PLEKHA7: variants seen among roughly 807,000 people sequenced by gnomAD.
The protein encoded by PLEKHA7 is pleckstrin homology domain-containing family A member 7.
A neutral mutation model predicts 170.0 loss-of-function variants in PLEKHA7; 104 were observed. The ratio of observed to expected loss-of-function variants is 0.61; its 90% CI spans 0.52 to 0.72. The LOEUF (loss-of-function observed/expected upper bound fraction) is 0.72. PLEKHA7 is among the 30% of genes least tolerant of loss of function. The probability of loss-of-function intolerance (pLI) is 0.00; values close to 1 mark genes in which losing one functional copy is unlikely to be tolerated. For synonymous variants in PLEKHA7, 648 were observed against 660.8 expected (o/e 0.98, Z 0.30); for missense variants, 1,615 against 1,671.7 (o/e 0.97, Z 0.59).
At chr11:16,917,749 G>T (rs1430687622) in intron 3 of PLEKHA7, among the ~76,000 whole-genome samples, 1 of 152,180 alleles carries the variant, frequency 6.6e-6, no homozygotes, top group Non-Finnish European at 1.5e-5. Flanking sequence ...CTGGGTATTA[G>T]CACATGGACA....
chr11:16,797,586 T>C (rs1192331790), intron 17 of PLEKHA7, among the ~76,000 whole-genome samples: 1 of 152,268 alleles, frequency 6.6e-6, no homozygotes, highest in Middle Eastern at 3.4e-3. Context: ...TCTCACTCTC[T>C]CTCTCAACCC....
At chr11:16,961,622 G>GT (rs1862065472) in intron 3 of PLEKHA7, among the ~76,000 whole-genome samples, 1 of 152,206 alleles carries the variant, frequency 6.6e-6, no homozygotes, top group Non-Finnish European at 1.5e-5. Flanking sequence ...GGACAGAGTT[G>GT]TTTCAACCTT....
At chr11:16,937,225 C>T (rs903273130) in intron 3 of PLEKHA7, among the ~76,000 whole-genome samples, 1 of 152,192 alleles carries the variant, frequency 6.6e-6, no homozygotes, top group African/African-American at 2.4e-5. Context: ...GAATCAGTCA[C>T]ATAAAATCCC....
intron 3 of PLEKHA7, among the ~76,000 whole-genome samples, chr11:16,925,432 GAC>G (rs764169489): frequency 9.2e-5 from 14 of 152,106 alleles, no homozygotes; most frequent in Non-Finnish European, 1.9e-4. Flanking sequence ...CCCGCGCCCA[GAC>G]ACAAAGCACC....
intron 10 of PLEKHA7, among the ~76,000 whole-genome samples, chr11:16,820,234 C>T (rs1850099324): frequency 6.6e-6 from 1 of 152,120 alleles, no homozygotes; most frequent in South Asian, 2.1e-4. Flanking sequence ...TTTTAAAACT[C>T]AACTCATTTA....
chr11:16,952,060 G>T (rs1053200657), intron 3 of PLEKHA7, among the ~76,000 whole-genome samples: 3 of 152,158 alleles, frequency 2.0e-5, no homozygotes, highest in African/African-American at 4.8e-5. Context: ...GGCCCAGCCT[G>T]ACCCAAAATG....
At chr11:16,787,060 G>A (rs1044932242) in intron 23 of PLEKHA7, 4 of 985,396 alleles carry the variant, frequency 4.1e-6, no homozygotes, top group Non-Finnish European at 4.8e-6. Context: ...TTCTAAGGCT[G>A]TTTCACAGTA....
intron 4 of PLEKHA7, among the ~76,000 whole-genome samples, chr11:16,863,188 C>A (rs1468957948): frequency 1.3e-5 from 2 of 152,150 alleles, no homozygotes; most frequent in African/African-American, 4.8e-5. Context: ...ACCCTGCAAC[C>A]TGCAAAATGA....
intron 4 of PLEKHA7, among the ~76,000 whole-genome samples, chr11:16,858,138 G>C (rs376307624): frequency 6.6e-6 from 1 of 152,174 alleles, no homozygotes; most frequent in Non-Finnish European, 1.5e-5. Flanking sequence ...TCCAGCTACT[G>C]AAAGGAAAAC....
At chr11:16,989,197 G>A (rs573284982) in intron 3 of PLEKHA7, among the ~76,000 whole-genome samples, 2 of 152,264 alleles carry the variant, frequency 1.3e-5, no homozygotes, top group South Asian at 2.1e-4. Context: ...TTCTCAGAGG[G>A]CCCTGGCCAT....
chr11:16,787,280 TTCTC>T (rs1163973397), intron 23 of PLEKHA7: 1 of 968,208 alleles, frequency 1.0e-6, no homozygotes, highest in Non-Finnish European at 1.2e-6. Context: ...CCAGGCCATC[TTCTC>T]TCTCCCATCC....
intron 3 of PLEKHA7, among the ~76,000 whole-genome samples, chr11:17,003,074 C>A (rs1165866544): frequency 6.8e-6 from 1 of 146,854 alleles, no homozygotes; most frequent in East Asian, 2.0e-4. Context: ...CTCACTGCAA[C>A]CTCTGCCTCC....
intron 3 of PLEKHA7, among the ~76,000 whole-genome samples, chr11:16,957,697 C>CTTTTTTTTTT (rs1169142909): frequency 1.1e-5 from 1 of 87,296 alleles, no homozygotes; most frequent in African/African-American, 5.1e-5. Flanking sequence ...TAATTTTTTT[C>CTTTTTTTTTT]TTTTTTTTTT....
Position 16,789,697 on chromosome 11 carries a change from CAGTT to C in PLEKHA7, c.3156+74_3156+77del. The C allele has an allele frequency of 7.6e-7, 1 of 1,314,908 alleles. No individual in the cohort carries two copies. The highest frequency in any genetic ancestry group is 1.1e-6 in the Non-Finnish European group (1 of 930,594). The allele number at this position is 1,314,908 out of a possible 1,614,324, so 81.5% of individuals were successfully genotyped here. A position where few individuals can be genotyped will look rare whatever the true frequency, so the allele number is the denominator to read the frequency against. ...CCATCCCCAGGGCTGAAGGGATGGC[CAGTT>C]ACTGTCCCCCTGGGAGACCCTCCCT... On this transcript the variant is annotated intron_variant, in intron 22 of 26. Coordinates refer to ENST00000531066, the MANE Select transcript of PLEKHA7 (RefSeq NM_001329630.2). The surrounding 1 kb of genome is among the most constrained non-coding windows in gnomAD (Gnocchi z 4.6).
chr11:16,912,026 G>A (rs985260993), intron 3 of PLEKHA7, among the ~76,000 whole-genome samples: 24 of 152,182 alleles, frequency 1.6e-4, no homozygotes, highest in African/African-American at 5.3e-4. Flanking sequence ...CTGATGCAAT[G>A]CTCTCATTTG....
chr11:16,851,589 C>A (rs1485815988), intron 7 of PLEKHA7, among the ~76,000 whole-genome samples: 1 of 152,144 alleles, frequency 6.6e-6, no homozygotes, highest in Admixed American at 6.5e-5. Context: ...GCTGGGATTA[C>A]AGGCATGCGC....
intron 6 of PLEKHA7, among the ~76,000 whole-genome samples, chr11:16,853,868 CT>C (rs1853197676): frequency 6.6e-6 from 1 of 152,142 alleles, no homozygotes; most frequent in Non-Finnish European, 1.5e-5. Flanking sequence ...TTTAAGGGGA[CT>C]TTTGGGATTT....
Position 16,816,131 on chromosome 11 carries a change from G to A in PLEKHA7, c.1953+47C>T, listed in dbSNP as rs974425864. The A allele has an allele frequency of 1.8e-5, 27 of 1,483,418 alleles. No individual in the cohort carries two copies. The African/African-American group carries it at 2.1e-4, about 11-fold the overall frequency. The allele number at this position is 1,483,418 out of a possible 1,614,324, so 91.9% of individuals were successfully genotyped here. ...TGTACTAACTCAGAGGAAGGAAAAT[G>A]TTGATGAGATAGGGCTTTGCAGGCT... On this transcript the variant is annotated intron_variant, in intron 12 of 26. Transcript: ENST00000531066.
intron 9 of PLEKHA7, among the ~76,000 whole-genome samples, chr11:16,831,731 G>A (rs938541370): frequency 5.3e-5 from 8 of 152,230 alleles, no homozygotes; most frequent in African/African-American, 1.9e-4. Flanking sequence ...GACCTCTCTA[G>A]TTTCAAGTTC....
Sources: allele counts gnomAD v4.1 joint callset (sites outside exome capture counted in the v4.1 genomes callset), GRCh38; gene constraint gnomAD v4.1.1; non-coding constraint Gnocchi (gnomAD v3.1); transcripts MANE v1.5; gene names NCBI Gene and HGNC (gene_info 2026-07-23, HGNC 2026-07-21).